The following HNF4G variants were observed in gnomAD, a reference collection of about 807,000 sequenced individuals.
The protein encoded by HNF4G is hepatocyte nuclear factor 4 gamma, also known as hepatocyte nuclear factor 4-gamma.
In HNF4G, 21 loss-of-function variants were observed where a neutral mutation model predicts 50.9. The observed-to-expected ratio is 0.41, with a 90% CI of 0.29 to 0.59. The LOEUF is 0.59. Ranked by LOEUF, HNF4G falls within the 20% of genes least tolerant of loss-of-function variation. The probability of loss-of-function intolerance (pLI) is 0.26; values close to 1 mark genes in which losing one functional copy is unlikely to be tolerated. For synonymous variants in HNF4G, 198 were observed against 185.6 expected, an observed-to-expected ratio of 1.07 and a Z score of -0.54; for missense variants, 527 against 559.4, an observed-to-expected ratio of 0.94 and a Z score of 0.58.
intron 2 of HNF4G, among the ~76,000 whole-genome samples, chr8:75,507,261 C>CTT (rs34235931): frequency 2.5e-4 from 34 of 136,844 alleles, no homozygotes; most frequent in Admixed American, 5.2e-4. Flanking sequence ...TTTTAAAATT[C>CTT]TTTTTTTTTT....
At chr8:75,489,238 T>A (rs946641665) in intron 1 of HNF4G, among the ~76,000 whole-genome samples, 3 of 152,226 alleles carry the variant, frequency 2.0e-5, no homozygotes, top group African/African-American at 7.2e-5. Context: ...AGGAAACTTA[T>A]TTTTAAATGT....
At chr8:75,534,155 A>G (rs1391132749) in intron 2 of HNF4G, among the ~76,000 whole-genome samples, 1 of 151,946 alleles carries the variant, frequency 6.6e-6, no homozygotes, top group Non-Finnish European at 1.5e-5. Context: ...AATCTTAAAT[A>G]TTCTGACTAG....
chr8:75,531,783 T>C (rs1238427283), intron 2 of HNF4G, among the ~76,000 whole-genome samples: 1 of 152,146 alleles, frequency 6.6e-6, no homozygotes, highest in African/African-American at 2.4e-5. Flanking sequence ...TGTGCATAGA[T>C]TATATGCAAA....
chr8:75,463,703 G>A (rs996788509), intron 1 of HNF4G, among the ~76,000 whole-genome samples: 2 of 150,090 alleles, frequency 1.3e-5, no homozygotes, highest in African/African-American at 4.9e-5. Context: ...CTTTGGTCAG[G>A]TGTCAAGTTT....
chr8:75,542,680 CATT>C (rs1806662574), intron 1 of HNF4G, among the ~76,000 whole-genome samples: 1 of 151,876 alleles, frequency 6.6e-6, no homozygotes, highest in African/African-American at 2.4e-5. Context: ...GATGCCTAGA[CATT>C]ATTCTGTATC....
rs181467223 is a variant in HNF4G at position 75,488,124 on chromosome 8, A to G, written c.-143-1965A>G. Among the ~76,000 whole-genome samples, 441 of 152,244 alleles carry G rather than the reference A, an allele frequency of 2.9e-3. 12 individuals carry two copies. Among genetic ancestry groups the G allele is most frequent in the Admixed American group, 0.024 (372 of 15,286 alleles). On this transcript the variant is annotated intron_variant, in intron 1 of 10. Coordinates refer to the HNF4G transcript ENST00000354370. ...ATTTGGGTGGGGACACAGACAAACC[A>G]TATCACTCCTTGAGGGTAGGAACCA...
intron 2 of HNF4G, among the ~76,000 whole-genome samples, chr8:75,529,075 A>C (rs2130762103): frequency 6.6e-6 from 1 of 152,196 alleles, no homozygotes; most frequent in African/African-American, 2.4e-5. Flanking sequence ...TCAAGAGGTC[A>C]GGAGATCAAG....
intron 1 of HNF4G, among the ~76,000 whole-genome samples, chr8:75,542,518 T>G (rs1585939335): frequency 7.9e-6 from 1 of 126,032 alleles, no homozygotes; most frequent in East Asian, 2.3e-4. Context: ...GAGATGAGAG[T>G]AGCCTTCAAT....
At chr8:75,556,695 T>C (rs544898861) in intron 6 of HNF4G, among the ~76,000 whole-genome samples, 2 of 152,242 alleles carry the variant, frequency 1.3e-5, no homozygotes, top group South Asian at 4.1e-4. Context: ...GTTTTGAGGG[T>C]TGAGATCCTT....
chr8:75,476,196 T>A (rs1812235274), intron 1 of HNF4G, among the ~76,000 whole-genome samples: 6 of 152,206 alleles, frequency 3.9e-5, no homozygotes, highest in Admixed American at 3.9e-4. Flanking sequence ...CATGTGGTAT[T>A]TGATTTTCTG....
chr8:75,418,663 T>C (rs1166753485), intron 1 of HNF4G, among the ~76,000 whole-genome samples: 1 of 151,726 alleles, frequency 6.6e-6, no homozygotes, highest in African/African-American at 2.4e-5. Flanking sequence ...CCGGAGTCAC[T>C]GAATATATAG....
At chr8:75,463,795 A>G (rs1811907398) in intron 1 of HNF4G, among the ~76,000 whole-genome samples, 1 of 133,670 alleles carries the variant, frequency 7.5e-6, no homozygotes, top group Non-Finnish European at 1.6e-5. Context: ...TTTTTTTGAG[A>G]CAGAATTTTG....
At chr8:75,416,549 T>C (rs1211391333) in intron 1 of HNF4G, among the ~76,000 whole-genome samples, 3 of 152,156 alleles carry the variant, frequency 2.0e-5, no homozygotes, top group African/African-American at 7.2e-5. Flanking sequence ...CATATTAAAA[T>C]GCTGTACCCT....
intron 1 of HNF4G, among the ~76,000 whole-genome samples, chr8:75,442,990 C>A (rs1325567649): frequency 1.3e-5 from 2 of 152,114 alleles, no homozygotes; most frequent in African/African-American, 4.8e-5. Context: ...AATTCATGTG[C>A]TGAAATCTTA....
chr8:75,459,910 G>A (rs78837042), intron 1 of HNF4G, among the ~76,000 whole-genome samples: 9,727 of 151,980 alleles, frequency 0.064, 349 homozygotes, highest in Non-Finnish European at 0.066. Context: ...CATACACCAT[G>A]GAATTACATA....
intron 1 of HNF4G, among the ~76,000 whole-genome samples, chr8:75,486,412 C>G (rs1213255539): frequency 6.6e-6 from 1 of 152,134 alleles, no homozygotes; most frequent in Admixed American, 6.5e-5. Flanking sequence ...ATTTGGCCAT[C>G]TTTCTTTTTC....
intron 1 of HNF4G, among the ~76,000 whole-genome samples, chr8:75,480,212 A>G (rs1370668806): frequency 6.6e-6 from 1 of 152,220 alleles, no homozygotes; most frequent in African/African-American, 2.4e-5. Flanking sequence ...GAAAGTACAT[A>G]ATATCTAAGG....
In HNF4G at chr8:75,414,549, T is replaced by C. The variant is rs142495712; in HGVS notation, c.-144+6387T>C. Among the ~76,000 whole-genome samples the C allele has an allele frequency of 1.2e-4, 18 of 152,286 alleles. No homozygotes were observed. In the East Asian group the frequency reaches 3.5e-3, roughly 29 times the overall value. ...ACACTCTTTCTCCTGTTCCTTGCAT[T>C]CCCTTCCTTCCCTGTCCCAAAGCAA... On this transcript the variant is annotated intron_variant, in intron 1 of 10. Transcript: ENST00000354370.
chr8:75,520,508 G>A (rs1245430277), intron 2 of HNF4G, among the ~76,000 whole-genome samples: 1 of 151,840 alleles, frequency 6.6e-6, no homozygotes, highest in Non-Finnish European at 1.5e-5. Flanking sequence ...AATGATCTTG[G>A]CTCACTGCAG....
Sources: allele counts gnomAD v4.1 joint callset (sites outside exome capture counted in the v4.1 genomes callset), GRCh38; gene constraint gnomAD v4.1.1; transcripts MANE v1.5; gene names NCBI Gene and HGNC (gene_info 2026-07-23, HGNC 2026-07-21).